Variants in LRRFIP1 observed in about 807,000 individuals in gnomAD.
LRRFIP1 encodes the protein leucine-rich repeat flightless-interacting protein 1.
LRRFIP1 carries 62 observed loss-of-function variants against 104.4 expected under a neutral mutation model. That is an observed-to-expected ratio of 0.59 (90% CI 0.48 to 0.73). LRRFIP1 has a LOEUF of 0.73. Among genes scored for constraint, LRRFIP1 ranks in the 30% least tolerant of loss-of-function variants. LRRFIP1 has a pLI of 0.00. For synonymous variants in LRRFIP1, 300 were observed against 299.0 expected, an observed-to-expected ratio of 1.00 and a Z score of -0.03; for missense variants, 796 against 824.5, an observed-to-expected ratio of 0.97 and a Z score of 0.42.
At position 237,649,034 on chromosome 2, in the gene LRRFIP1, C is replaced by T. The variant is rs2085443579; in HGVS notation, c.96+21294C>T. ...GGTGTGAGAGGAGGCGTCCTTGTCA[C>T]CATCCTTTGTTGCCTCCCATCTGTG... On this transcript the variant is annotated intron_variant, in intron 1 of 23. Coordinates refer to ENST00000308482, the MANE Select transcript of LRRFIP1 (RefSeq NM_001137550.2). The surrounding 1 kb of genome is among the most constrained non-coding windows in gnomAD (Gnocchi z 4.1). Among the ~76,000 whole-genome samples, 1 of 151,926 alleles carries T rather than the reference C, an allele frequency of 6.6e-6. No homozygotes were observed. Among genetic ancestry groups the T allele is most frequent in the Non-Finnish European group, 1.5e-5 (1 of 67,928 alleles).
Position 237,766,320 on chromosome 2 carries a change from T to C in LRRFIP1, c.1460-3623T>C, listed in dbSNP as rs1471571219. Among the ~76,000 whole-genome samples the C allele has an allele frequency of 7.2e-6, 1 of 139,462 alleles. No individual in the cohort carries two copies. Among genetic ancestry groups the C allele is most frequent in the Non-Finnish European group, 1.7e-5 (1 of 59,750 alleles). 91.5% of individuals were successfully genotyped at this position (139,462 alleles called of 152,430 possible). On this transcript the variant is annotated intron_variant, in intron 19 of 23. Coordinates refer to ENST00000308482, the MANE Select transcript of LRRFIP1 (RefSeq NM_001137550.2). The surrounding 1 kb of genome is among the most constrained non-coding windows in gnomAD (Gnocchi z 4.8). ...GAGGATGGTGGGGATGATAAATGCT[T>C]GCTAGGAAATAAGTCCAAGGGCTCT...
rs138410523 is a variant in LRRFIP1 at position 237,779,661 on chromosome 2, G to A, written c.*129G>A. 1,147 of 779,786 alleles carry A rather than the reference G, an allele frequency of 1.5e-3. 19 individuals are homozygous for A. In the East Asian group the frequency reaches 0.028, roughly 19 times the overall value. The allele number at this position is 779,786 out of a possible 1,614,324, so 48.3% of individuals were successfully genotyped here. A position where few individuals can be genotyped will look rare whatever the true frequency, so the allele number is the denominator to read the frequency against. On this transcript the variant is annotated 3_prime_UTR_variant, in exon 24 of 24. Transcript: ENST00000308482. ...AGACGAAGACCGTGGCGAGCTTGGC[G>A]CTTAGGGGCTCCCGTGCCATGGCTC... is the stretch of plus-strand genomic sequence containing the variant.
rs148443859 is a variant in LRRFIP1, at chr2:237,769,984, T to A, written c.1501T>A (p.Leu501Met). 834 of 1,603,398 alleles carry A rather than the reference T, an allele frequency of 5.2e-4. 5 individuals carry two copies. The African/African-American group carries it at 0.01, about 20-fold the overall frequency. Residue 501 changes from leucine (L) to methionine (M), a missense_variant, in exon 20 of 24, where the codon TTG becomes ATG. By Grantham distance (15) the Leu-to-Met change is conservative. Transcript: ENST00000308482. ...GCTGGTTGATGAACGGGAATGCTTA[T>A]TGGAACAGGTAACAATCTTTTTATT... ...KKLVDERECL[L>M]EQIKKLKGQL...
At chr2:237,681,309 G>GTGTTTATTCTGCAT (rs1294443358) in intron 1 of LRRFIP1, among the ~76,000 whole-genome samples, 1 of 152,204 alleles carries the variant, frequency 6.6e-6, no homozygotes, top group East Asian at 1.9e-4. Context: ...GAGCAGCCCT[G>GTGTTTATTCTGCAT]TGTTTATTCT....
chr2:237,763,791 G>A, intron 19 of LRRFIP1: 1 of 1,614,240 alleles, frequency 6.2e-7, no homozygotes, highest in Non-Finnish European at 8.5e-7. Flanking sequence ...AGGGCTGGTG[G>A]TGAAGAATTA....
intron 1 of LRRFIP1, among the ~76,000 whole-genome samples, chr2:237,670,338 G>A (rs933324857): frequency 1.8e-4 from 28 of 152,170 alleles, no homozygotes; most frequent in African/African-American, 5.8e-4. Flanking sequence ...GGGGAGCAGC[G>A]GCCCTAGGCC....
intron 1 of LRRFIP1, among the ~76,000 whole-genome samples, chr2:237,631,873 G>A (rs759243017): frequency 3.3e-5 from 5 of 152,220 alleles, no homozygotes; most frequent in Non-Finnish European, 5.9e-5. Flanking sequence ...GGTGCCATAG[G>A]TACCCCTTCC....
chr2:237,687,611 A>G (rs1285020048), intron 1 of LRRFIP1, among the ~76,000 whole-genome samples: 1 of 151,932 alleles, frequency 6.6e-6, no homozygotes, highest in Non-Finnish European at 1.5e-5. Context: ...CTCAAAAAAA[A>G]AAAAAAAAAA....
At chr2:237,632,892 A>G (rs568001459) in intron 1 of LRRFIP1, among the ~76,000 whole-genome samples, 4 of 152,160 alleles carry the variant, frequency 2.6e-5, no homozygotes, top group Non-Finnish European at 5.9e-5. Flanking sequence ...CGCAACCAAG[A>G]TGTCAGACTT....
At chr2:237,734,008 A>G (rs1032444198) in intron 9 of LRRFIP1, among the ~76,000 whole-genome samples, 190 bp downstream of exon 9, 7 of 152,110 alleles carry the variant, frequency 4.6e-5, no homozygotes, top group Non-Finnish European at 1.0e-4. Context: ...CTCTCCCCCG[A>G]TTGTTGACTG....
intron 7 of LRRFIP1, 129 bp downstream of exon 7, chr2:237,723,715 G>A (rs2094618424): frequency 5.2e-6 from 6 of 1,152,892 alleles, no homozygotes; most frequent in South Asian, 1.2e-5. Flanking sequence ...ATGAGGCCAG[G>A]AGGGCAGGCT....
At chr2:237,768,330 A>C (rs2060367619) in intron 19 of LRRFIP1, 1 of 152,076 alleles carries the variant, frequency 6.6e-6, no homozygotes. Context: ...TTTTGCTTGC[A>C]CTCTTATTAC....
chr2:237,672,188 T>TA (rs2090459006), intron 1 of LRRFIP1, among the ~76,000 whole-genome samples: 1 of 152,194 alleles, frequency 6.6e-6, no homozygotes, highest in Non-Finnish European at 1.5e-5. Context: ...TATTGCATCA[T>TA]ATACAATATT....
intron 8 of LRRFIP1, among the ~76,000 whole-genome samples, chr2:237,733,211 C>G (rs2095090170): frequency 6.6e-6 from 1 of 152,208 alleles, no homozygotes; most frequent in Non-Finnish European, 1.5e-5. Context: ...GACGTGTGTG[C>G]TAGGCAGGAT....
chr2:237,774,187 A>G (rs994438833), intron 22 of LRRFIP1, 171 bp from the exon 23 acceptor site: 19 of 590,832 alleles, frequency 3.2e-5, no homozygotes, highest in Non-Finnish European at 5.8e-5. Context: ...AATAGTAACC[A>G]AGAATAGCTT....
chr2:237,686,795 C>G (rs1290470054), intron 1 of LRRFIP1, among the ~76,000 whole-genome samples: 1 of 152,252 alleles, frequency 6.6e-6, no homozygotes, highest in Non-Finnish European at 1.5e-5. Context: ...ATACTTTGTG[C>G]CTGAGCTGGA....
intron 1 of LRRFIP1, among the ~76,000 whole-genome samples, chr2:237,651,437 C>T (rs562385103): frequency 1.3e-5 from 2 of 152,248 alleles, no homozygotes; most frequent in South Asian, 2.1e-4. Context: ...TGTCATATTA[C>T]AATTGGTTGG....
intron 7 of LRRFIP1, among the ~76,000 whole-genome samples, chr2:237,723,845 A>T (rs1253618448): frequency 5.3e-5 from 8 of 152,272 alleles, no homozygotes; most frequent in African/African-American, 1.9e-4. Flanking sequence ...GCCTTTGAGC[A>T]CCAGCTGTTT....
chr2:237,718,348 C>G (rs370221287), intron 4 of LRRFIP1, among the ~76,000 whole-genome samples: 4 of 152,230 alleles, frequency 2.6e-5, no homozygotes, highest in Admixed American at 2.6e-4. Flanking sequence ...CTGTGCCTGC[C>G]GAAACCACTG....
Sources: allele counts gnomAD v4.1 joint callset (sites outside exome capture counted in the v4.1 genomes callset), GRCh38; gene constraint gnomAD v4.1.1; non-coding constraint Gnocchi (gnomAD v3.1); transcripts MANE v1.5; gene names NCBI Gene and HGNC (gene_info 2026-07-23, HGNC 2026-07-21).